EVA1C: variants seen among roughly 807,000 people sequenced by gnomAD.
EVA1C encodes the protein eva-1 homolog C.
In EVA1C, 25 loss-of-function variants were observed where a neutral mutation model predicts 45.4. That is an observed-to-expected ratio of 0.55 (90% CI 0.40 to 0.77). EVA1C has a LOEUF of 0.77. Ranked by LOEUF, EVA1C falls within the 30% of genes least tolerant of loss-of-function variation. The probability of loss-of-function intolerance (pLI) is 0.00; values close to 1 mark genes in which losing one functional copy is unlikely to be tolerated. For synonymous variants in EVA1C, 190 were observed against 221.2 expected, an observed-to-expected ratio of 0.86 and a Z score of 1.25; for missense variants, 479 against 554.8, an observed-to-expected ratio of 0.86 and a Z score of 1.37.
chr21:32,468,307 T>C (rs2036251846), intron 4 of EVA1C, among the ~76,000 whole-genome samples: 1 of 151,472 alleles, frequency 6.6e-6, no homozygotes, highest in African/African-American at 2.4e-5. Context: ...AGGTGAAGGT[T>C]GCAGTGAGCC....
intron 1 of EVA1C, among the ~76,000 whole-genome samples, chr21:32,449,845 AC>A (rs1203847472): frequency 1.3e-5 from 2 of 151,270 alleles, no homozygotes; most frequent in Non-Finnish European, 2.9e-5. Flanking sequence ...CTGGTCTCGA[AC>A]CCCTGACCTC....
intron 1 of EVA1C, among the ~76,000 whole-genome samples, chr21:32,442,188 T>C (rs374984050): frequency 6.6e-6 from 1 of 152,200 alleles, no homozygotes; most frequent in Admixed American, 6.5e-5. Context: ...CTGTGGTTTG[T>C]TTCAGGACTA....
At position 32,501,438 on chromosome 21, in the gene EVA1C, A is replaced by T. The variant is rs532326165; in HGVS notation, c.802A>T (p.Ile268Phe). The T allele has an allele frequency of 6.3e-6, 10 of 1,593,630 alleles. No individual in the cohort carries two copies. In the South Asian group the frequency reaches 1.1e-4, roughly 18 times the overall value. Reference protein sequence around the residue: ...ACVPKNILTAIDPAIANLKPS... With the variant: ...ACVPKNILTAFDPAIANLKPS... ...AGTTCCCAAGAACATACTCACAGCG[A>T]TTGATCCAGCCATTGCTAATCTAAA... Residue 268 changes from isoleucine to phenylalanine, a missense_variant, in exon 6 of 8, where the codon ATT becomes TTT. Around this residue, in one of 3 missense-constraint regions of EVA1C, gnomAD observed 366 missense variants for 426.1 expected, o/e 0.86. Transcript: ENST00000300255.
intron 4 of EVA1C, among the ~76,000 whole-genome samples, chr21:32,493,189 C>T (rs1043972667): frequency 6.6e-6 from 1 of 152,144 alleles, no homozygotes; most frequent in Non-Finnish European, 1.5e-5. Context: ...CTAAAATTCT[C>T]TCCTCTTCCA....
intron 1 of EVA1C, among the ~76,000 whole-genome samples, chr21:32,422,261 G>GA (rs1369689592): frequency 2.0e-5 from 3 of 151,826 alleles, no homozygotes; most frequent in East Asian, 1.9e-4. Flanking sequence ...CAGTGAGGTG[G>GA]AAAAAAAAGC....
intron 1 of EVA1C, among the ~76,000 whole-genome samples, chr21:32,432,271 G>A (rs970960131): frequency 1.2e-4 from 19 of 152,062 alleles, no homozygotes; most frequent in Admixed American, 9.2e-4. Flanking sequence ...GAAGGTGGGC[G>A]CAGGTTCATT....
At chr21:32,495,777 A>G (rs1208034490) in intron 5 of EVA1C, among the ~76,000 whole-genome samples, 1 of 152,258 alleles carries the variant, frequency 6.6e-6, no homozygotes, top group Non-Finnish European at 1.5e-5. Flanking sequence ...CGTAAAAGCA[A>G]ATCAGCAGTT....
chr21:32,412,609 C>A, upstream of EVA1C: 1 of 391,000 alleles, frequency 2.6e-6, no homozygotes, highest in Non-Finnish European at 4.5e-6. Flanking sequence ...GATTTCCTCT[C>A]GGGGAAACTA....
intron 1 of EVA1C, among the ~76,000 whole-genome samples, chr21:32,446,955 C>T (rs2035385023): frequency 1.3e-5 from 2 of 152,176 alleles, no homozygotes. Context: ...TGCTGGTCCT[C>T]ATTAGGAACT....
At chr21:32,427,058 G>A (rs1397525890) in intron 1 of EVA1C, among the ~76,000 whole-genome samples, 2 of 152,262 alleles carry the variant, frequency 1.3e-5, no homozygotes, top group Non-Finnish European at 1.5e-5. Flanking sequence ...GGTGATGTAC[G>A]AATGCTGTCC....
intron 4 of EVA1C, among the ~76,000 whole-genome samples, chr21:32,494,222 C>T (rs1262009757): frequency 6.6e-6 from 1 of 152,150 alleles, no homozygotes; most frequent in African/African-American, 2.4e-5. Flanking sequence ...ATCTTCATGT[C>T]AATTAGTTTA....
At chr21:32,495,526 C>T (rs372189503) in intron 5 of EVA1C, among the ~76,000 whole-genome samples, 1 of 152,144 alleles carries the variant, frequency 6.6e-6, no homozygotes, top group African/African-American at 2.4e-5. Context: ...CATGCGAGTT[C>T]ACAGTCGAAT....
chr21:32,489,388 G>A (rs2037080584), intron 4 of EVA1C, among the ~76,000 whole-genome samples: 1 of 152,158 alleles, frequency 6.6e-6, no homozygotes, highest in Non-Finnish European at 1.5e-5. Context: ...TGGCCCCCTT[G>A]TTGAAAAGTT....
intron 1 of EVA1C, among the ~76,000 whole-genome samples, chr21:32,427,362 A>G (rs2034527786): frequency 6.6e-6 from 1 of 152,232 alleles, no homozygotes; most frequent in Non-Finnish European, 1.5e-5. Context: ...TAAAGACATT[A>G]TTGATCTTCT....
intron 5 of EVA1C, 147 bp downstream of exon 5, chr21:32,495,317 CT>C (rs1389472219): frequency 3.1e-5 from 22 of 701,202 alleles, no homozygotes; most frequent in East Asian, 5.7e-5. Context: ...CCCGAGAGCC[CT>C]TTTTTTCTTT....
chr21:32,471,964 C>G (rs1021203597), intron 4 of EVA1C, among the ~76,000 whole-genome samples: 5 of 151,986 alleles, frequency 3.3e-5, no homozygotes, highest in Admixed American at 3.3e-4. Context: ...ACCTCATTTC[C>G]CAGGCTTACT....
At chr21:32,441,264 TA>T (rs1202261325) in intron 1 of EVA1C, among the ~76,000 whole-genome samples, 1 of 151,954 alleles carries the variant, frequency 6.6e-6, no homozygotes, top group Non-Finnish European at 1.5e-5. Flanking sequence ...AAAGCAGAGT[TA>T]GGGGTGTGGG....
Position 32,461,931 on chromosome 21 carries a change from T to C in EVA1C, c.481+4211T>C, listed in dbSNP as rs139409525. Among the ~76,000 whole-genome samples, 35 of 152,260 alleles carry C rather than the reference T, an allele frequency of 2.3e-4. 2 individuals are homozygous for C. The East Asian group carries it at 4.4e-3, about 19-fold the overall frequency. On this transcript the variant is annotated intron_variant, in intron 3 of 7. Transcript: ENST00000300255. ...TGTGTTGGGCAGTGTAGGGACACTT[T>C]CTAGGACTCAGTTGTAACATGGGAT...
intron 5 of EVA1C, chr21:32,497,305 A>T: frequency 1.5e-6 from 1 of 664,664 alleles, no homozygotes; most frequent in Non-Finnish European, 2.7e-6. Flanking sequence ...GATTGGCAGA[A>T]AGTTGATATA....
Sources: allele counts gnomAD v4.1 joint callset (sites outside exome capture counted in the v4.1 genomes callset), GRCh38; gene constraint gnomAD v4.1.1; regional missense constraint gnomAD v4.1.1; transcripts MANE v1.5; gene names NCBI Gene and HGNC (gene_info 2026-07-23, HGNC 2026-07-21).